The following ANKRD16 variants were observed in gnomAD, a reference collection of about 807,000 sequenced individuals.
ANKRD16 encodes the protein ankyrin repeat domain-containing protein 16.
A neutral mutation model predicts 37.9 loss-of-function variants in ANKRD16; 35 were observed. That is an observed-to-expected ratio of 0.92 (90% confidence interval 0.71 to 1.23). The LOEUF (loss-of-function observed/expected upper bound fraction) is 1.23, where lower values mean the gene tolerates loss of function less well. ANKRD16 is among the 50% of genes most tolerant of loss of function. The probability of loss-of-function intolerance (pLI) is 0.00; values close to 1 mark genes in which losing one functional copy is unlikely to be tolerated. For synonymous variants in ANKRD16, 206 were observed against 197.2 expected, an observed-to-expected ratio of 1.04 and a Z score of -0.37; for missense variants, 480 against 469.9, an observed-to-expected ratio of 1.02 and a Z score of -0.20.
At position 5,878,978 on chromosome 10, in the gene ANKRD16, C is replaced by T. The variant is rs151010174; in HGVS notation, c.929-691G>A. 9.9e-5 allele frequency among the ~76,000 whole-genome samples: 15 copies of T among 152,108 alleles called. No homozygotes were observed. Among genetic ancestry groups the T allele is most frequent in the Admixed American group, 2.0e-4 (3 of 15,276 alleles). ...AATATCACCACAAATAATCACGTAGCCAAAAAAACACTTTTGAACAAGCTT... is the reference window on the plus strand; with the variant it reads ...AATATCACCACAAATAATCACGTAGTCAAAAAAACACTTTTGAACAAGCTT... On this transcript the variant is annotated intron_variant, in intron 6 of 7. Transcript: ENST00000380094. This position sits in a 1 kb window ranked among gnomAD's most constrained non-coding sequence, Gnocchi z 5.1.
chr10:5,879,102 C>A (rs1589020599), intron 6 of ANKRD16, among the ~76,000 whole-genome samples: 2 of 152,178 alleles, frequency 1.3e-5, no homozygotes, highest in South Asian at 4.1e-4. Context: ...GAAGCTGTGT[C>A]CCTTCCTGGG....
chr10:5,887,983 C>T lies in ANKRD16; in HGVS notation c.399G>A (p.Lys133=). 1 of 1,614,224 alleles carries T rather than the reference C, an allele frequency of 6.2e-7. No homozygotes were observed. Residue 133 remains lysine (K), a synonymous_variant, in exon 2 of 8, where the codon AAG becomes AAA. Transcript: ENST00000380094. ...GGAAACTGTTCCAGCCATCTTTGTT[C>T]TTCAGGAGTGGATTGGCGCCATGTT... ...LVEHGANPLL[K]NKDGWNSFHI...
In ANKRD16 at chr10:5,887,835, T is replaced by C. The variant is rs543841179; in HGVS notation, c.535+12A>G. The C allele has an allele frequency of 6.2e-7, 1 of 1,610,490 alleles. No homozygotes were observed. The highest frequency in any genetic ancestry group is 2.0e-4 in the Middle Eastern group (1 of 5,070). The stretch of plus-strand genomic sequence containing the variant: ...TGTGTGTACTGCTCACCTGCAGAGC[T>C]GTAGGCTGTACCTGCAGTATGCAGA... On this transcript the variant is annotated intron_variant, in intron 2 of 7. Coordinates refer to ENST00000380094, the MANE Select transcript of ANKRD16 (RefSeq NM_019046.3).
rs1842230003 is a variant in ANKRD16 at position 5,878,809 on chromosome 10, A to T, written c.929-522T>A. 6.6e-6 allele frequency among the ~76,000 whole-genome samples: 1 copy of T among 151,990 alleles called. No individual in the cohort carries two copies. Among genetic ancestry groups the T allele is most frequent in the Non-Finnish European group, 1.5e-5 (1 of 67,990 alleles). On this transcript the variant is annotated intron_variant, in intron 6 of 7. Coordinates refer to ENST00000380094, the MANE Select transcript of ANKRD16 (RefSeq NM_019046.3). This position sits in a 1 kb window ranked among gnomAD's most constrained non-coding sequence, Gnocchi z 5.1. Reference sequence around the variant, plus strand: ...TCAAAAAAAAAAAAAAAAGAAAAAGAAACTTATCTAAAGCAAGAAGCAACA... The same window carrying T: ...TCAAAAAAAAAAAAAAAAGAAAAAGTAACTTATCTAAAGCAAGAAGCAACA...
chr10:5,883,298 C>G, intron 4 of ANKRD16, 131 bp from the exon 5 acceptor site: 1 of 928,828 alleles, frequency 1.1e-6, no homozygotes, highest in South Asian at 1.8e-5. Context: ...GGATATGTGG[C>G]TTTTGTCTGA....
chr10:5,880,944 T>C (rs899129695), intron 5 of ANKRD16, among the ~76,000 whole-genome samples: 5 of 150,328 alleles, frequency 3.3e-5, no homozygotes, highest in Non-Finnish European at 7.4e-5. Context: ...TGAATTTTCA[T>C]CTTTTTTTCC....
At chr10:5,887,807 A>C (rs767849040) in intron 2 of ANKRD16, 40 bp downstream of exon 2, 5 of 1,551,242 alleles carry the variant, frequency 3.2e-6, no homozygotes, top group South Asian at 1.1e-5. Flanking sequence ...TGAAGCAGCC[A>C]CATGTGTGTA....
intron 6 of ANKRD16, 23 bp downstream of exon 6, chr10:5,880,275 G>A (rs777688711): frequency 6.5e-6 from 9 of 1,386,958 alleles, no homozygotes; most frequent in Non-Finnish European, 7.0e-6. Flanking sequence ...AATTTCCAAG[G>A]CATATATAAA....
Position 5,871,035 on chromosome 10 carries a change from G to T in ANKRD16, c.*33+7062C>A, listed in dbSNP as rs1044423039. 7.2e-5 allele frequency among the ~76,000 whole-genome samples: 11 copies of T among 152,278 alleles called. No homozygotes were observed. In the East Asian group the frequency reaches 2.1e-3, roughly 29 times the overall value. ...CACACAGGCCAATCAAGTCCCTGTC[G>T]TCACCACGATTGGCAGAGGCCAGCC... On this transcript the variant is annotated intron_variant, in intron 7 of 7. Transcript: ENST00000380094. The surrounding 1 kb of genome is among the most constrained non-coding windows in gnomAD (Gnocchi z 4.5).
intron 7 of ANKRD16, among the ~76,000 whole-genome samples, chr10:5,867,278 G>A (rs912992510): frequency 1.3e-5 from 2 of 152,228 alleles, no homozygotes; most frequent in Non-Finnish European, 2.9e-5. Context: ...CCAGACCTAG[G>A]AGGAACTCCT....
intron 7 of ANKRD16, among the ~76,000 whole-genome samples, chr10:5,876,594 G>A (rs1345234229): frequency 6.6e-6 from 1 of 152,190 alleles, no homozygotes; most frequent in Non-Finnish European, 1.5e-5. Context: ...TAATTTAGAG[G>A]TCACAAGACA....
rs2131756037 is a variant in ANKRD16, at chr10:5,869,846, A to T, written c.*34-7155T>A. ...AACTTTTATTTTAAATACAGGGGGT[A>T]CATGTGCAGGTTTGTTACCTGGGTA... On this transcript the variant is annotated intron_variant, in intron 7 of 7. Transcript: ENST00000380094. The surrounding 1 kb of genome is among the most constrained non-coding windows in gnomAD (Gnocchi z 4.0). 6.6e-6 allele frequency among the ~76,000 whole-genome samples: 1 copy of T among 152,266 alleles called. No homozygotes were observed. Among genetic ancestry groups the T allele is most frequent in the East Asian group, 1.9e-4 (1 of 5,190 alleles).
chr10:5,872,763 A>G (rs566162809), intron 7 of ANKRD16, among the ~76,000 whole-genome samples: 209 of 151,922 alleles, frequency 1.4e-3, no homozygotes, highest in Non-Finnish European at 1.9e-3. Flanking sequence ...TCACCGTGTT[A>G]GCCAAGATGG....
At chr10:5,873,478 A>G (rs536226688) in intron 7 of ANKRD16, among the ~76,000 whole-genome samples, 12 of 152,276 alleles carry the variant, frequency 7.9e-5, no homozygotes, top group Admixed American at 5.9e-4. Context: ...TCAGCCCTAT[A>G]TGCATTTTTA....
At chr10:5,872,773 G>T (rs556197011) in intron 7 of ANKRD16, among the ~76,000 whole-genome samples, 2 of 151,870 alleles carry the variant, frequency 1.3e-5, no homozygotes, top group Non-Finnish European at 2.9e-5. Flanking sequence ...AGCCAAGATG[G>T]TCTTAATTTC....
chr10:5,872,444 A>T (rs1302014960), intron 7 of ANKRD16, among the ~76,000 whole-genome samples: 1 of 152,038 alleles, frequency 6.6e-6, no homozygotes, highest in Admixed American at 6.6e-5. Flanking sequence ...ACGCCACTAT[A>T]CCCCGGCCTG....
Position 5,883,165 on chromosome 10 carries a change from A to G in ANKRD16, c.690T>C (p.Ala230=). ...VARLLLDEHG[A]CLSAEDSLGA... ...CCAGGCTGTCTTCTGCTGAAAGGCA[A>G]GCCTAGTGGGCAGAGGAGAGAAAGG... Residue 230 remains alanine (A), a splice_region_variant and synonymous_variant, in exon 5 of 8, where the codon GCT becomes GCC. Transcript: ENST00000380094. The G allele has an allele frequency of 6.2e-7, 1 of 1,613,626 alleles. No individual in the cohort carries two copies. The highest frequency in any genetic ancestry group is 8.5e-7 in the Non-Finnish European group (1 of 1,179,958).
intron 7 of ANKRD16, among the ~76,000 whole-genome samples, chr10:5,872,605 G>A (rs1037345772): frequency 3.3e-5 from 5 of 152,082 alleles, no homozygotes; most frequent in Non-Finnish European, 5.9e-5. Flanking sequence ...TGCCCAGGCT[G>A]GAGTGCAGTG....
In ANKRD16 at chr10:5,865,577, G is replaced by C. The variant is rs563030396; in HGVS notation, c.*34-2886C>G. On this transcript the variant is annotated intron_variant, in intron 7 of 7. Transcript: ENST00000380094. The surrounding 1 kb of genome is among the most constrained non-coding windows in gnomAD (Gnocchi z 4.7). ...CCTGTCCCAGACAGCTGTCCTCAAG[G>C]TCTGTTACCATCCAAGGAATCCTGG... is the stretch of plus-strand genomic sequence containing the variant. Among the ~76,000 whole-genome samples, 35 of 152,192 alleles carry C rather than the reference G, an allele frequency of 2.3e-4. No individual in the cohort carries two copies. Among genetic ancestry groups the C allele is most frequent in the Non-Finnish European group, 4.4e-4 (30 of 68,026 alleles).
Sources: allele counts gnomAD v4.1 joint callset (sites outside exome capture counted in the v4.1 genomes callset), GRCh38; gene constraint gnomAD v4.1.1; non-coding constraint Gnocchi (gnomAD v3.1); transcripts MANE v1.5; gene names NCBI Gene and HGNC (gene_info 2026-07-23, HGNC 2026-07-21).